The following TYW1 variants were observed in gnomAD, a reference collection of about 807,000 sequenced individuals.
The protein encoded by TYW1 is S-adenosyl-L-methionine-dependent tRNA 4-demethylwyosine synthase TYW1.
In TYW1, 46 loss-of-function variants were observed where a neutral mutation model predicts 96.2. The observed-to-expected ratio is 0.48, with a 90% CI of 0.38 to 0.61. The LOEUF is 0.61. TYW1 is among the 20% of genes least tolerant of loss of function. The pLI is 0.00. For missense variants in TYW1, 684 were observed against 909.6 expected, an observed-to-expected ratio of 0.75 and a Z score of 3.19; for synonymous variants, 274 against 323.0, an observed-to-expected ratio of 0.85 and a Z score of 1.63.
chr7:67,002,581 T>C (rs912863917), intron 3 of TYW1, among the ~76,000 whole-genome samples: 1 of 152,168 alleles, frequency 6.6e-6, no homozygotes, highest in Non-Finnish European at 1.5e-5. Context: ...TCTTTGTCCT[T>C]GATTTCTGGA....
chr7:67,177,442 G>A (rs999763304), intron 13 of TYW1, among the ~76,000 whole-genome samples: 5 of 151,990 alleles, frequency 3.3e-5, no homozygotes, highest in African/African-American at 9.7e-5. Flanking sequence ...TAAAGTGGAT[G>A]AAATTATTTC....
intron 15 of TYW1, among the ~76,000 whole-genome samples, chr7:67,205,156 T>C (rs930261800): frequency 4.6e-5 from 7 of 152,084 alleles, no homozygotes; most frequent in African/African-American, 1.7e-4. Context: ...GACACTGCAC[T>C]GTGGGGATGG....
intron 15 of TYW1, among the ~76,000 whole-genome samples, chr7:67,233,174 C>T (rs1419431346): frequency 8.8e-6 from 1 of 113,302 alleles, no homozygotes; most frequent in Non-Finnish European, 1.8e-5. Context: ...ACTGTTTTCT[C>T]CTCTCCTGGT....
chr7:67,079,866 G>A (rs1232708573), intron 10 of TYW1, among the ~76,000 whole-genome samples: 1 of 152,042 alleles, frequency 6.6e-6, no homozygotes, highest in Non-Finnish European at 1.5e-5. Flanking sequence ...GTTCAAGAGT[G>A]TGCTATTTGG....
intron 10 of TYW1, among the ~76,000 whole-genome samples, chr7:67,077,805 A>T (rs1296031016): frequency 6.6e-6 from 1 of 152,224 alleles, no homozygotes; most frequent in Non-Finnish European, 1.5e-5. Context: ...TTCTATTCAT[A>T]AAATCATTGC....
At chr7:67,234,915 T>C (rs1463428198) in intron 15 of TYW1, among the ~76,000 whole-genome samples, 1 of 150,792 alleles carries the variant, frequency 6.6e-6, no homozygotes, top group African/African-American at 2.5e-5. Context: ...TTGCGTGTAC[T>C]AGATTGAGAT....
At chr7:67,157,161 C>T (rs11771227) in intron 13 of TYW1, among the ~76,000 whole-genome samples, 39,245 of 151,728 alleles carry the variant, frequency 0.26, 5,553 homozygotes, top group African/African-American at 0.38. Context: ...TTTAGATTTA[C>T]AGAAAAATTA....
At chr7:67,147,706 T>C (rs1309029020) in intron 13 of TYW1, among the ~76,000 whole-genome samples, 1 of 152,132 alleles carries the variant, frequency 6.6e-6, no homozygotes, top group Admixed American at 6.5e-5. Context: ...GTTAGTTTAC[T>C]GAGGATAATG....
At chr7:67,219,115 C>T (rs967669588) in intron 15 of TYW1, among the ~76,000 whole-genome samples, 19 of 152,208 alleles carry the variant, frequency 1.2e-4, no homozygotes, top group South Asian at 6.2e-4. Flanking sequence ...TCATGAAAAA[C>T]GCGAAAGGGT....
At chr7:67,054,777 G>A (rs1050159649) in intron 8 of TYW1, among the ~76,000 whole-genome samples, 9 of 152,124 alleles carry the variant, frequency 5.9e-5, no homozygotes, top group African/African-American at 1.2e-4. Context: ...CATGAGAAAC[G>A]GTATTGAATG....
intron 6 of TYW1, among the ~76,000 whole-genome samples, chr7:67,022,931 A>G (rs1333505414): frequency 6.6e-6 from 1 of 152,098 alleles, no homozygotes; most frequent in Non-Finnish European, 1.5e-5. Flanking sequence ...TGATAATCCT[A>G]TCATCTGGCA....
rs1242911465 is a variant in TYW1 at position 67,031,125 on chromosome 7, G to A, written c.984+6103G>A. On this transcript the variant is annotated intron_variant, in intron 7 of 15. Transcript: ENST00000359626. ...GGAGAATCACTTGAACCCGGGAGGC[G>A]GAGCTTGCAGTGAGCTGAGATTGCG... Among the ~76,000 whole-genome samples, 142 of 139,674 alleles carry A rather than the reference G, an allele frequency of 1.0e-3. 1 individual carries two copies. Among genetic ancestry groups the A allele is most frequent in the African/African-American group, 3.5e-3 (130 of 37,112 alleles). The allele number at this position is 139,674 out of a possible 152,430, so 91.6% of individuals were successfully genotyped here. A position where few individuals can be genotyped will look rare whatever the true frequency, so the allele number is the denominator to read the frequency against.
At chr7:67,213,480 G>A (rs901122271) in intron 15 of TYW1, among the ~76,000 whole-genome samples, 9 of 152,104 alleles carry the variant, frequency 5.9e-5, no homozygotes, top group African/African-American at 1.9e-4. Context: ...TTAGTCTGTG[G>A]TTTGACTCTT....
In TYW1 at chr7:67,238,581, G is replaced by T. The variant is rs562672700; in HGVS notation, c.*52G>T. 3.0e-4 allele frequency: 482 copies of T among 1,597,670 alleles called. 1 individual carries two copies. The East Asian group carries it at 1.0e-2, about 33-fold the overall frequency. ...GACAAAAACTTGGATGGCCTCAAAA[G>T]GTTCTTGAACACCACTGTGATTCTC... On this transcript the variant is annotated 3_prime_UTR_variant, in exon 16 of 16. Coordinates refer to ENST00000359626, the MANE Select transcript of TYW1 (RefSeq NM_018264.4).
At chr7:67,139,214 G>A (rs1214427258) in intron 13 of TYW1, among the ~76,000 whole-genome samples, 1 of 152,070 alleles carries the variant, frequency 6.6e-6, no homozygotes, top group African/African-American at 2.4e-5. Context: ...GCCACACCCG[G>A]CTAATTTTTG....
chr7:67,184,647 ATTTAT>A (rs1799954321), intron 14 of TYW1, among the ~76,000 whole-genome samples: 1 of 26,706 alleles, frequency 3.7e-5, no homozygotes, highest in Non-Finnish European at 7.3e-5. Flanking sequence ...ATTTTATTTT[ATTTAT>A]GTTATGTTAT....
intron 13 of TYW1, among the ~76,000 whole-genome samples, chr7:67,170,538 T>C (rs1799484596): frequency 6.6e-6 from 1 of 152,212 alleles, no homozygotes; most frequent in South Asian, 2.1e-4. Flanking sequence ...ATGAACTGTT[T>C]TAACATGAAC....
intron 3 of TYW1, among the ~76,000 whole-genome samples, chr7:67,004,513 C>T (rs541344773): frequency 4.6e-4 from 70 of 152,260 alleles, no homozygotes; most frequent in Non-Finnish European, 7.6e-4. Flanking sequence ...CAGCCTGGAG[C>T]CCTCACCAGA....
intron 7 of TYW1, among the ~76,000 whole-genome samples, chr7:67,049,225 C>T (rs754758800): frequency 1.1e-4 from 17 of 152,148 alleles, no homozygotes; most frequent in Non-Finnish European, 2.1e-4. Flanking sequence ...ATTTAACCTT[C>T]AACATATTTC....
Sources: allele counts gnomAD v4.1 joint callset (sites outside exome capture counted in the v4.1 genomes callset), GRCh38; gene constraint gnomAD v4.1.1; transcripts MANE v1.5; gene names NCBI Gene and HGNC (gene_info 2026-07-23, HGNC 2026-07-21).